TMTC1: variants seen among roughly 807,000 people sequenced by gnomAD.
The protein encoded by TMTC1 is transmembrane O-mannosyltransferase targeting cadherins 1.
TMTC1 carries 73 observed loss-of-function variants against 104.8 expected under a neutral mutation model. That is an observed-to-expected ratio of 0.70 (90% CI 0.58 to 0.85). TMTC1 has a LOEUF of 0.85. Ranked by LOEUF, TMTC1 falls within the 40% of genes least tolerant of loss-of-function variation. The pLI is 0.00. For synonymous variants in TMTC1, 434 were observed against 428.7 expected (o/e 1.01, Z -0.15); for missense variants, 1,035 against 1,096.1 (o/e 0.94, Z 0.79).
At chr12:29,524,995 G>A (rs1944294622) in intron 11 of TMTC1, among the ~76,000 whole-genome samples, 1 of 151,868 alleles carries the variant, frequency 6.6e-6, no homozygotes, top group Non-Finnish European at 1.5e-5. Context: ...CCATGTCTAG[G>A]ATGCCATTTG....
At chr12:29,726,067 T>A in intron 5 of TMTC1, among the ~76,000 whole-genome samples, 1 of 152,202 alleles carries the variant, frequency 6.6e-6, no homozygotes. Flanking sequence ...GCCAAGTATT[T>A]GGCCTGAGCA....
chr12:29,675,234 A>G (rs2033037), intron 5 of TMTC1, among the ~76,000 whole-genome samples: 83,733 of 151,960 alleles, frequency 0.55, 23,313 homozygotes, highest in African/African-American at 0.63. Flanking sequence ...TCAGGGCCCA[A>G]TTTGAGACTG....
At position 29,629,845 on chromosome 12, in the gene TMTC1, A is replaced by T. The variant is rs141492926; in HGVS notation, c.1128+3302T>A. 1.3e-4 allele frequency among the ~76,000 whole-genome samples: 20 copies of T among 152,348 alleles called. No individual in the cohort carries two copies. The East Asian group carries it at 3.5e-3, about 26-fold the overall frequency. ...TATATAACTTTCACCTCAATTTTAA[A>T]AAGATGTTTTAATCATTCAAATTTT... On this transcript the variant is annotated intron_variant, in intron 6 of 17. Coordinates refer to ENST00000539277, the MANE Select transcript of TMTC1 (RefSeq NM_001193451.2).
Position 29,708,540 on chromosome 12 carries a change from T to TTTAAA in TMTC1, c.938+43125_938+43126insTTTAA, listed in dbSNP as rs1941813549. The stretch of plus-strand genomic sequence containing the variant: ...CACAATGGAATTCTCTAAAGCCCAT[T>TTTAAA]GACTCCCAGTTTTAAAGTATTTTAC... On this transcript the variant is annotated intron_variant, in intron 5 of 17. Transcript: ENST00000539277. Among the ~76,000 whole-genome samples the TTTAAA allele has an allele frequency of 7.9e-5, 12 of 152,282 alleles. No individual in the cohort carries two copies. In the South Asian group the frequency reaches 2.5e-3, roughly 32 times the overall value.
rs903265463 is a variant in TMTC1, at chr12:29,505,049, C to T, written c.*1797G>A. 6.6e-6 allele frequency: 1 copy of T among 152,146 alleles called. No individual in the cohort carries two copies. Among genetic ancestry groups the T allele is most frequent in the African/African-American group, 2.4e-5 (1 of 41,430 alleles). The allele number at this position is 152,146 out of a possible 1,614,324, so 9.4% of individuals were successfully genotyped here. A position where few individuals can be genotyped will look rare whatever the true frequency, so the allele number is the denominator to read the frequency against. On this transcript the variant is annotated 3_prime_UTR_variant, in exon 18 of 18. Coordinates refer to ENST00000539277, the MANE Select transcript of TMTC1 (RefSeq NM_001193451.2). ...CAAATGGTTGTAGTGGTAACATATA[C>T]ATTCTTGGATTACTGTTGCACACAA...
chr12:29,647,176 G>A (rs1027042508), intron 5 of TMTC1, among the ~76,000 whole-genome samples: 5 of 151,936 alleles, frequency 3.3e-5, no homozygotes, highest in Non-Finnish European at 7.4e-5. Flanking sequence ...CATATCACCA[G>A]GCCTAGCTAA....
intron 6 of TMTC1, among the ~76,000 whole-genome samples, chr12:29,609,039 CGAT>C (rs2136420555): frequency 6.6e-6 from 1 of 152,220 alleles, no homozygotes; most frequent in South Asian, 2.1e-4. Context: ...AATTCAACAC[CGAT>C]GATACACACC....
chr12:29,633,843 T>G (rs752953779), intron 5 of TMTC1, among the ~76,000 whole-genome samples: 5 of 152,134 alleles, frequency 3.3e-5, no homozygotes, highest in African/African-American at 4.8e-5. Context: ...GACAGCCAGG[T>G]AGACACAGGG....
rs561816362 is a variant in TMTC1 at position 29,598,684 on chromosome 12, A to AT, written c.1250+5493dup. On this transcript the variant is annotated intron_variant, in intron 7 of 17. Transcript: ENST00000539277. ...TCCTTGGTTAAATTTATTCCCAAGT[A>AT]TTTTTTTGTAGCTATTGCAAATGGA... is the stretch of plus-strand genomic sequence containing the variant. Among the ~76,000 whole-genome samples the AT allele has an allele frequency of 2.0e-5, 3 of 152,156 alleles. No individual in the cohort carries two copies. The East Asian group carries it at 5.8e-4, about 29-fold the overall frequency.
At position 29,733,904 on chromosome 12, in the gene TMTC1, G is replaced by A. The variant is rs1005687153; in HGVS notation, c.938+17762C>T. Among the ~76,000 whole-genome samples, 11 of 152,234 alleles carry A rather than the reference G, an allele frequency of 7.2e-5. No individual in the cohort carries two copies. In the South Asian group the frequency reaches 1.5e-3, roughly 20 times the overall value. Reference sequence around the variant, plus strand: ...CCATGTCTTTGCTTTGACAATGCAAGGCCATTATTTTTTCATTGCAGTTTC... The same window carrying A: ...CCATGTCTTTGCTTTGACAATGCAAAGCCATTATTTTTTCATTGCAGTTTC... On this transcript the variant is annotated intron_variant, in intron 5 of 17. Transcript: ENST00000539277.
At chr12:29,693,614 T>A (rs1276173703) in intron 5 of TMTC1, among the ~76,000 whole-genome samples, 1 of 151,120 alleles carries the variant, frequency 6.6e-6, no homozygotes, top group African/African-American at 2.5e-5. Flanking sequence ...AAATTTATTT[T>A]AAAAACTAAA....
chr12:29,673,206 T>A (rs1940583752), intron 5 of TMTC1, among the ~76,000 whole-genome samples: 1 of 151,386 alleles, frequency 6.6e-6, no homozygotes, highest in Non-Finnish European at 1.5e-5. Flanking sequence ...TCAACTCTAG[T>A]CAATTTGGTT....
chr12:29,660,886 C>T (rs1303662688), intron 5 of TMTC1: 2 of 1,488,364 alleles, frequency 1.3e-6, no homozygotes, highest in Non-Finnish European at 1.8e-6. Flanking sequence ...TCTCAGATAC[C>T]TAAAACGGGA....
intron 5 of TMTC1, among the ~76,000 whole-genome samples, chr12:29,672,140 A>C (rs1486676769): frequency 6.6e-6 from 1 of 152,186 alleles, no homozygotes; most frequent in Non-Finnish European, 1.5e-5. Flanking sequence ...TGGTGACTCC[A>C]TCTCCCTTGG....
intron 17 of TMTC1, among the ~76,000 whole-genome samples, chr12:29,510,660 A>G (rs562389830): frequency 8.5e-5 from 13 of 152,306 alleles, no homozygotes; most frequent in Non-Finnish European, 1.6e-4. Context: ...TGTTTCCAAG[A>G]GTGATCAGTT....
intron 5 of TMTC1, among the ~76,000 whole-genome samples, chr12:29,694,173 C>T (rs58883754): frequency 0.017 from 2,541 of 152,244 alleles, 82 homozygotes; most frequent in African/African-American, 0.057. Context: ...TGTACTATAA[C>T]GATCCATCCC....
chr12:29,771,725 C>G (rs1943598968), intron 1 of TMTC1, among the ~76,000 whole-genome samples: 1 of 152,116 alleles, frequency 6.6e-6, no homozygotes, highest in South Asian at 2.1e-4. Flanking sequence ...GGGCAGCAGA[C>G]AGTCAGAGGA....
At chr12:29,516,217 A>C in intron 15 of TMTC1, 132 bp downstream of exon 15, 1 of 1,140,292 alleles carries the variant, frequency 8.8e-7, no homozygotes, top group Non-Finnish European at 1.2e-6. Flanking sequence ...AAAGTTTCCA[A>C]GAGATAGGAT....
intron 7 of TMTC1, among the ~76,000 whole-genome samples, chr12:29,587,961 C>G (rs1946183642): frequency 6.6e-6 from 1 of 152,148 alleles, no homozygotes. Context: ...TTCTCTGTAT[C>G]AAGAGCAGAA....
Sources: allele counts gnomAD v4.1 joint callset (sites outside exome capture counted in the v4.1 genomes callset), GRCh38; gene constraint gnomAD v4.1.1; transcripts MANE v1.5; gene names NCBI Gene and HGNC (gene_info 2026-07-23, HGNC 2026-07-21).